Variants in SF3A1 observed in about 807,000 individuals in gnomAD.
SF3A1 encodes the protein splicing factor 3a subunit 1, also known as SAP 114.
A neutral mutation model predicts 89.9 loss-of-function variants in SF3A1; 13 were observed. The ratio of observed to expected loss-of-function variants is 0.14; its 90% CI spans 0.09 to 0.23. The LOEUF is 0.23. SF3A1 is among the 10% of genes least tolerant of loss of function. SF3A1 has a pLI of 1.00. For synonymous variants in SF3A1, 405 were observed against 374.4 expected (o/e 1.08, Z -0.94); for missense variants, 604 against 1,022.1 (o/e 0.59, Z 5.58).
At chr22:30,341,331 G>C (rs1158284984) in intron 7 of SF3A1, among the ~76,000 whole-genome samples, 1 of 152,188 alleles carries the variant, frequency 6.6e-6, no homozygotes, top group Non-Finnish European at 1.5e-5. Context: ...GGAAGCGTGG[G>C]CTACATTTAG....
intron 1 of SF3A1, among the ~76,000 whole-genome samples, chr22:30,355,825 C>CCG (rs398036830): frequency 4.0e-4 from 49 of 121,202 alleles, no homozygotes; most frequent in African/African-American, 1.5e-3. Context: ...TCCCCCCCCC[C>CCG]GCCCCCCTTA....
At chr22:30,338,656 GCT>G (rs1424669384) in intron 11 of SF3A1, 131 bp downstream of exon 11, 3 of 1,112,924 alleles carry the variant, frequency 2.7e-6, no homozygotes, top group African/African-American at 3.1e-5. Flanking sequence ...CATTTAAAGG[GCT>G]CTTTCTCTTT....
At chr22:30,345,289 G>T in intron 3 of SF3A1, 99 bp from the exon 4 acceptor site, 2 of 1,145,978 alleles carry the variant, frequency 1.7e-6, no homozygotes, top group Non-Finnish European at 2.5e-6. Flanking sequence ...TCAGCAGGAT[G>T]CTGTGAACCT....
Position 30,337,077 on chromosome 22 carries a change from C to A in SF3A1, c.2055G>T (p.Leu685=), listed in dbSNP as rs1931089007. ...CTGGCATGAGGCTGTCCTCTGTCTT[C>A]AGTTTTTTGGAGGTGGGCTCATCTT... ...PMEDEPTSKK[L]KTEDSLMPEE... Residue 685 remains leucine, a synonymous_variant, in exon 13 of 16, where the codon CTG becomes CTT. Transcript: ENST00000215793. The A allele has an allele frequency of 9.3e-6, 15 of 1,614,182 alleles. No homozygotes were observed. The highest frequency in any genetic ancestry group is 1.2e-5 in the Non-Finnish European group (14 of 1,180,044).
intron 2 of SF3A1, among the ~76,000 whole-genome samples, chr22:30,348,627 C>T (rs541806845): frequency 1.8e-4 from 28 of 152,260 alleles, no homozygotes; most frequent in African/African-American, 6.0e-4. Flanking sequence ...CGTGGTCATA[C>T]CCTGCCGTGT....
At chr22:30,345,327 C>CA in intron 3 of SF3A1, 137 bp from the exon 4 acceptor site, 1 of 768,932 alleles carries the variant, frequency 1.3e-6, no homozygotes, top group Non-Finnish European at 2.1e-6. Context: ...ATGCACACAC[C>CA]ACTAGCACTT....
Position 30,337,059 on chromosome 22 carries a change from G to A in SF3A1, c.2073C>T (p.Leu691=). The A allele has an allele frequency of 1.2e-6, 2 of 1,614,222 alleles. No homozygotes were observed. Among genetic ancestry groups the A allele is most frequent in the Non-Finnish European group, 1.7e-6 (2 of 1,180,040 alleles). The stretch of plus-strand genomic sequence containing the variant: ...TGCGCAGGAACTCCTCCTCTGGCAT[G>A]AGGCTGTCCTCTGTCTTCAGTTTTT... ...TSKKLKTEDS[L]MPEEEFLRRN... Residue 691 remains leucine, a synonymous_variant, in exon 13 of 16, where the codon CTC becomes CTT. Coordinates refer to ENST00000215793, the MANE Select transcript of SF3A1 (RefSeq NM_005877.6).
intron 2 of SF3A1, among the ~76,000 whole-genome samples, chr22:30,351,929 T>G (rs752981520): frequency 2.0e-5 from 3 of 152,266 alleles, no homozygotes; most frequent in Admixed American, 6.5e-5. Context: ...GAGAATGTAC[T>G]GACCTTTGGA....
chr22:30,336,201 G>A (rs1460912407), intron 13 of SF3A1, among the ~76,000 whole-genome samples: 9 of 152,082 alleles, frequency 5.9e-5, no homozygotes, highest in African/African-American at 9.7e-5. Flanking sequence ...GTACTTAAGC[G>A]TTTAAGAAAT....
At position 30,345,109 on chromosome 22, in the gene SF3A1, T is replaced by C; in HGVS notation, c.475A>G (p.Ile159Val). 2 of 1,614,138 alleles carry C rather than the reference T, an allele frequency of 1.2e-6. No homozygotes were observed. The highest frequency in any genetic ancestry group is 1.7e-6 in the Non-Finnish European group (2 of 1,180,032). The change falls in exon 4 of 16, where the codon ATC (isoleucine) becomes GTC (valine). Residue 159 changes from isoleucine to valine, a missense_variant. By Grantham distance (29) the Ile-to-Val change is conservative. Around this residue, in one of 9 missense-constraint regions of SF3A1, gnomAD observed 162 missense variants for 229.2 expected, o/e 0.71. Coordinates refer to ENST00000215793, the MANE Select transcript of SF3A1 (RefSeq NM_005877.6). ...EFEFIADPPS[I>V]SAFDLDVVKL... is the part of the protein sequence containing the mutation. Reference sequence around the variant, plus strand: ...ACCACATCCAAGTCGAAGGCTGAGATAGAGGGAGGATCAGCAATGAACTCA... The same window carrying C: ...ACCACATCCAAGTCGAAGGCTGAGACAGAGGGAGGATCAGCAATGAACTCA...
intron 5 of SF3A1, 80 bp downstream of exon 5, chr22:30,342,725 T>C (rs1601694744): frequency 1.1e-6 from 1 of 935,884 alleles, no homozygotes; most frequent in South Asian, 1.3e-5. Context: ...CATAACAAGG[T>C]CCTGCCTCAG....
chr22:30,337,841 G>C lies in SF3A1; in HGVS notation c.1800C>G (p.Pro600=). ...VVSAVPVMPR[P]PMASVVRLPP... is the part of the protein sequence containing the mutation. Reference sequence around the variant, plus strand: ...GCAGCCGGACCACAGATGCCATTGGGGGCCGGGGCATGACGGGTACTGCGG... The same window carrying C: ...GCAGCCGGACCACAGATGCCATTGGCGGCCGGGGCATGACGGGTACTGCGG... The change falls in exon 12 of 16, where the codon CCC becomes CCG. Residue 600 remains proline (P), a synonymous_variant. Transcript: ENST00000215793. The C allele has an allele frequency of 6.2e-7, 1 of 1,609,012 alleles. No individual in the cohort carries two copies. The highest frequency in any genetic ancestry group is 8.5e-7 in the Non-Finnish European group (1 of 1,178,496).
chr22:30,339,659 G>A (rs1455115560), intron 9 of SF3A1, among the ~76,000 whole-genome samples: 2 of 152,218 alleles, frequency 1.3e-5, no homozygotes, highest in East Asian at 1.9e-4. Flanking sequence ...GGGAGGCTGA[G>A]GCAGAAGAAC....
intron 2 of SF3A1, among the ~76,000 whole-genome samples, chr22:30,347,252 G>A (rs980141765): frequency 3.3e-5 from 5 of 152,158 alleles, no homozygotes; most frequent in South Asian, 2.1e-4. Flanking sequence ...GGCTAGAATC[G>A]TGTCACCGTA....
chr22:30,340,051 A>G, intron 9 of SF3A1, 145 bp downstream of exon 9: 1 of 634,514 alleles, frequency 1.6e-6, no homozygotes, highest in South Asian at 3.0e-5. Flanking sequence ...TCTTCTGGAA[A>G]GTGGGGAGTT....
At chr22:30,352,227 T>C (rs560226744) in intron 2 of SF3A1, among the ~76,000 whole-genome samples, 1 of 151,026 alleles carries the variant, frequency 6.6e-6, no homozygotes, top group African/African-American at 2.4e-5. Flanking sequence ...CAGGAGGAAC[T>C]CAGAGCAATA....
chr22:30,339,702 C>T (rs1931187787), intron 9 of SF3A1, among the ~76,000 whole-genome samples: 1 of 152,180 alleles, frequency 6.6e-6, no homozygotes. Context: ...GTTGCAGTAG[C>T]CAACATGGAG....
In SF3A1 at chr22:30,335,504, G is replaced by A; in HGVS notation, c.2243C>T (p.Thr748Ile). The A allele has an allele frequency of 6.2e-7, 1 of 1,614,212 alleles. No individual in the cohort carries two copies. ...CTTCTGTTTCCCTGCAGGCATGCCT[G>A]TGGCTTCATGAATCTTCACCTTAAT... is the stretch of plus-strand genomic sequence containing the variant. ...SVIKVKIHEA[T>I]GMPAGKQKLQ... The change falls in exon 15 of 16, where the codon ACA (threonine) becomes ATA (isoleucine). Residue 748 changes from threonine to isoleucine, a missense_variant. Around this residue, in one of 9 missense-constraint regions of SF3A1, gnomAD observed 74 missense variants for 141.3 expected, o/e 0.52. Transcript: ENST00000215793.
intron 6 of SF3A1, 125 bp from the exon 7 acceptor site, chr22:30,342,010 G>A (rs1341810360): frequency 1.7e-6 from 2 of 1,183,878 alleles, no homozygotes; most frequent in Non-Finnish European, 2.4e-6. Flanking sequence ...GCCCATCTAG[G>A]GTCTGGCAAG....
Sources: gnomAD v4.1 joint callset for allele counts (sites outside exome capture counted in the v4.1 genomes callset) on GRCh38, gnomAD v4.1.1 for gene constraint, gnomAD v4.1.1 regional missense constraint, MANE v1.5 for transcripts, NCBI Gene and HGNC (gene_info 2026-07-23, HGNC 2026-07-21) for gene names.